The following LRFN2 variants were observed in gnomAD, a reference collection of about 807,000 sequenced individuals.
The protein encoded by LRFN2 is leucine-rich repeat and fibronectin type-III domain-containing protein 2.
In LRFN2, 18 loss-of-function variants were observed where a neutral mutation model predicts 37.3. The observed-to-expected ratio is 0.48, with a 90% CI of 0.33 to 0.72. The LOEUF is 0.72. Among genes scored for constraint, LRFN2 ranks in the 30% least tolerant of loss-of-function variants. LRFN2 has a pLI of 0.02. For synonymous variants in LRFN2, 556 were observed against 466.6 expected (o/e 1.19, Z -2.47); for missense variants, 1,006 against 1,060.7 (o/e 0.95, Z 0.72).
chr6:40,456,149 C>T (rs1764229779), intron 1 of LRFN2, among the ~76,000 whole-genome samples: 1 of 152,178 alleles, frequency 6.6e-6, no homozygotes, highest in Non-Finnish European at 1.5e-5. Context: ...CCCCTAGAAT[C>T]AAGCCTACAG....
chr6:40,431,408 C>T (rs1763477053), intron 2 of LRFN2, among the ~76,000 whole-genome samples: 1 of 152,178 alleles, frequency 6.6e-6, no homozygotes, highest in South Asian at 2.1e-4. Context: ...TCCAACTGGG[C>T]TTAGAACAGA....
chr6:40,396,686 C>CTGTGTGTGTG (rs3997706), intron 2 of LRFN2, among the ~76,000 whole-genome samples: 1,745 of 135,148 alleles, frequency 0.013, 46 homozygotes, highest in African/African-American at 0.045. Flanking sequence ...TTCCTCTGCT[C>CTGTGTGTGTG]TGTGTGTGTG....
chr6:40,586,715 A>AC (rs1230010211), intron 1 of LRFN2, among the ~76,000 whole-genome samples: 5 of 151,314 alleles, frequency 3.3e-5, no homozygotes, highest in East Asian at 3.9e-4. Context: ...CCAGAGTTTC[A>AC]CCCCCACTGT....
At chr6:40,430,948 TGACGGTGAAGCCAACCCA>T (rs1483342420) in intron 2 of LRFN2, among the ~76,000 whole-genome samples, 11 of 152,150 alleles carry the variant, frequency 7.2e-5, no homozygotes, top group Non-Finnish European at 1.6e-4. Flanking sequence ...AGAGACTCCC[TGACGGTGAAGCCAACCCA>T]GAGAAAAATA....
intron 1 of LRFN2, among the ~76,000 whole-genome samples, chr6:40,509,362 G>A (rs892576997): frequency 2.0e-5 from 3 of 152,272 alleles, no homozygotes; most frequent in African/African-American, 7.2e-5. Flanking sequence ...GTAGTTCTGA[G>A]ATGTCGGGCA....
At chr6:40,434,937 C>G (rs2113827902) in intron 1 of LRFN2, among the ~76,000 whole-genome samples, 1 of 148,320 alleles carries the variant, frequency 6.7e-6, no homozygotes, top group East Asian at 2.0e-4. Context: ...CAGTGAAACA[C>G]TAAATTAATG....
At chr6:40,401,370 G>A (rs575309517) in intron 2 of LRFN2, among the ~76,000 whole-genome samples, 25 of 152,182 alleles carry the variant, frequency 1.6e-4, no homozygotes, top group South Asian at 6.2e-4. Context: ...TCAGTAGCTC[G>A]GGTGCCTTCC....
rs983513973 is a variant in LRFN2 at position 40,399,630 on chromosome 6, G to T, written c.1401-6718C>A. On this transcript the variant is annotated intron_variant, in intron 2 of 2. Coordinates refer to ENST00000338305, the MANE Select transcript of LRFN2 (RefSeq NM_020737.3). ...TTTTTTGTATTTGAGTAGAGGCGGG[G>T]TTTCACCATGTTGCCCACGGTGGTC... 2.7e-5 allele frequency among the ~76,000 whole-genome samples: 4 copies of T among 150,934 alleles called. No homozygotes were observed. In the South Asian group the frequency reaches 8.4e-4, roughly 32 times the overall value.
At chr6:40,435,634 G>T (rs1326794631) in intron 1 of LRFN2, among the ~76,000 whole-genome samples, 1 of 151,996 alleles carries the variant, frequency 6.6e-6, no homozygotes. Context: ...TGCCTCCCAG[G>T]TTCACGCCAT....
intron 1 of LRFN2, among the ~76,000 whole-genome samples, chr6:40,462,518 C>T (rs1005253824): frequency 1.3e-5 from 2 of 152,118 alleles, no homozygotes; most frequent in African/African-American, 2.4e-5. Context: ...CTCTTTCGCT[C>T]CCTCATTCCA....
chr6:40,421,638 TAA>T (rs1373445123), intron 2 of LRFN2, among the ~76,000 whole-genome samples: 1 of 152,138 alleles, frequency 6.6e-6, no homozygotes, highest in Non-Finnish European at 1.5e-5. Context: ...TTATCAGACT[TAA>T]AGAGTCTGTT....
intron 1 of LRFN2, among the ~76,000 whole-genome samples, chr6:40,479,988 A>C (rs2113862857): frequency 6.6e-6 from 1 of 152,374 alleles, no homozygotes; most frequent in Admixed American, 6.5e-5. Flanking sequence ...GTTTGAATGC[A>C]GACACGAATC....
At chr6:40,431,659 C>T in intron 2 of LRFN2, 55 bp downstream of exon 2, 1 of 1,459,426 alleles carries the variant, frequency 6.9e-7, no homozygotes, top group Non-Finnish European at 9.1e-7. Context: ...TCCCCATCCC[C>T]TCCTCCTTCC....
At chr6:40,460,061 A>G (rs1175838630) in intron 1 of LRFN2, among the ~76,000 whole-genome samples, 1 of 152,168 alleles carries the variant, frequency 6.6e-6, no homozygotes, top group Non-Finnish European at 1.5e-5. Context: ...CTCAAGGAAA[A>G]TATTGATGGC....
At chr6:40,530,020 C>G (rs1408685573) in intron 1 of LRFN2, among the ~76,000 whole-genome samples, 2 of 152,176 alleles carry the variant, frequency 1.3e-5, no homozygotes, top group Admixed American at 1.3e-4. Context: ...ACAGGTGGCC[C>G]CTATGGGTGA....
chr6:40,436,274 G>T (rs560079515), intron 1 of LRFN2, among the ~76,000 whole-genome samples: 1 of 152,302 alleles, frequency 6.6e-6, no homozygotes, highest in South Asian at 2.1e-4. Context: ...GTGAACTGTA[G>T]CTCACAGACC....
rs375629980 is a variant in LRFN2 at position 40,562,222 on chromosome 6, C to T, written c.-19+24719G>A. On this transcript the variant is annotated intron_variant, in intron 1 of 2. Transcript: ENST00000338305. Reference sequence around the variant, plus strand: ...AGCTATAGCAATCACAGAAGGCTTCCTGTGGATGGTGGTTAGGGTCAGGTA... The same window carrying T: ...AGCTATAGCAATCACAGAAGGCTTCTTGTGGATGGTGGTTAGGGTCAGGTA... 1.7e-4 allele frequency among the ~76,000 whole-genome samples: 26 copies of T among 152,176 alleles called. No homozygotes were observed. In the East Asian group the frequency reaches 4.3e-3, roughly 25 times the overall value.
chr6:40,505,200 G>T (rs1765501045), intron 1 of LRFN2, among the ~76,000 whole-genome samples: 1 of 152,218 alleles, frequency 6.6e-6, no homozygotes, highest in Non-Finnish European at 1.5e-5. Flanking sequence ...ATTCTGTGGG[G>T]GCGGGGGACA....
intron 1 of LRFN2, among the ~76,000 whole-genome samples, chr6:40,576,593 G>A (rs1767282820): frequency 6.6e-6 from 1 of 152,168 alleles, no homozygotes; most frequent in African/African-American, 2.4e-5. Flanking sequence ...GAGCTGCCTG[G>A]ATTTTATCCT....
Sources: gnomAD v4.1 joint callset for allele counts (sites outside exome capture counted in the v4.1 genomes callset) on GRCh38, gnomAD v4.1.1 for gene constraint, MANE v1.5 for transcripts, NCBI Gene and HGNC (gene_info 2026-07-23, HGNC 2026-07-21) for gene names.